Variants in CPEB3 observed in about 807,000 individuals in gnomAD.
CPEB3 encodes cytoplasmic polyadenylation element-binding protein 3.
In CPEB3, 20 loss-of-function variants were observed where a neutral mutation model predicts 67.2. That is an observed-to-expected ratio of 0.30 (90% CI 0.21 to 0.43). The LOEUF is 0.43. Among genes scored for constraint, CPEB3 ranks in the 20% least tolerant of loss-of-function variants. The pLI is 1.00. For synonymous variants in CPEB3, 376 were observed against 393.1 expected, an observed-to-expected ratio of 0.96 and a Z score of 0.51; for missense variants, 746 against 968.6, an observed-to-expected ratio of 0.77 and a Z score of 3.05.
In CPEB3 at chr10:92,250,858, ATTTTTT is replaced by A. The variant is rs1211646953; in HGVS notation, c.-11-10503_-11-10498del. Among the ~76,000 whole-genome samples the A allele has an allele frequency of 2.4e-3, 255 of 104,110 alleles. 1 individual carries two copies. The highest frequency in any genetic ancestry group is 7.6e-3 in the African/African-American group (203 of 26,808). The allele number at this position is 104,110 out of a possible 152,430, so 68.3% of individuals were successfully genotyped here. A position where few individuals can be genotyped will look rare whatever the true frequency, so the allele number is the denominator to read the frequency against. ...GCGCCTGCCACCACACACACAGTTAATTTTTTTTTTTTTTTTTTTTTTTTTGTATCT... is the reference window on the plus strand; with the variant it reads ...GCGCCTGCCACCACACACACAGTTAATTTTTTTTTTTTTTTTTTTGTATCT... On this transcript the variant is annotated intron_variant, in intron 1 of 9. Transcript: ENST00000265997.
chr10:92,271,302 T>C (rs1034920618), intron 1 of CPEB3, among the ~76,000 whole-genome samples: 1 of 152,236 alleles, frequency 6.6e-6, no homozygotes, highest in Non-Finnish European at 1.5e-5. Flanking sequence ...ACAAATCTTA[T>C]ATTATCATGG....
At chr10:92,176,797 A>G (rs1444199665) in intron 4 of CPEB3, among the ~76,000 whole-genome samples, 4 of 152,264 alleles carry the variant, frequency 2.6e-5, no homozygotes, top group African/African-American at 9.6e-5. Context: ...TCACCAAGTT[A>G]GGCATCAATC....
chr10:92,105,931 C>T (rs1844426443), intron 7 of CPEB3, among the ~76,000 whole-genome samples: 1 of 151,728 alleles, frequency 6.6e-6, no homozygotes, highest in African/African-American at 2.4e-5. Flanking sequence ...CTCACTCTGC[C>T]ACCCAGGCTA....
chr10:92,216,696 G>A, intron 2 of CPEB3: 10 of 1,605,268 alleles, frequency 6.2e-6, no homozygotes, highest in Non-Finnish European at 7.7e-6. Context: ...GGCTCCAAGC[G>A]CCCCACCTGT....
chr10:92,067,840 T>C (rs368935948), intron 9 of CPEB3, among the ~76,000 whole-genome samples: 1 of 151,944 alleles, frequency 6.6e-6, no homozygotes, highest in Non-Finnish European at 1.5e-5. Context: ...TAAATAAAAA[T>C]AGATAAAATT....
intron 3 of CPEB3, 48 bp from the exon 4 acceptor site, chr10:92,181,067 T>C (rs1005722918): frequency 5.2e-6 from 5 of 961,824 alleles, no homozygotes; most frequent in Middle Eastern, 2.5e-4. Flanking sequence ...AATGTAATCA[T>C]TTCAAACACA....
At chr10:92,287,869 G>A (rs1224693775) in intron 1 of CPEB3, among the ~76,000 whole-genome samples, 2 of 152,044 alleles carry the variant, frequency 1.3e-5, no homozygotes, top group Non-Finnish European at 2.9e-5. Flanking sequence ...CTCATTAGCA[G>A]TCACTCCCCA....
At chr10:92,113,184 C>T (rs2133511318) in intron 6 of CPEB3, among the ~76,000 whole-genome samples, 1 of 152,312 alleles carries the variant, frequency 6.6e-6, no homozygotes, top group Middle Eastern at 3.4e-3. Context: ...GTTTTCTGGG[C>T]TTTGGTCTCA....
chr10:92,236,227 C>T (rs979784052), intron 2 of CPEB3, among the ~76,000 whole-genome samples: 4 of 152,142 alleles, frequency 2.6e-5, no homozygotes, highest in Admixed American at 1.3e-4. Flanking sequence ...TACCTGACAG[C>T]ACCTGCACTA....
rs999673116 is a variant in CPEB3, at chr10:92,105,715, G to GTTT, written c.1572+5358_1572+5360dup. On this transcript the variant is annotated intron_variant, in intron 7 of 9. Coordinates refer to ENST00000265997, the MANE Select transcript of CPEB3 (RefSeq NM_014912.5). ...GTGTATTTATATACTTGTTTTGTGG[G>GTTT]TTTTTTTTTTTTTTTTTTTTCTGAG... 9.8e-4 allele frequency among the ~76,000 whole-genome samples: 108 copies of GTTT among 109,704 alleles called. 1 individual carries two copies. Among genetic ancestry groups the GTTT allele is most frequent in the African/African-American group, 1.4e-3 (37 of 27,062 alleles). The allele number at this position is 109,704 out of a possible 152,430, so 72.0% of individuals were successfully genotyped here.
chr10:92,241,860 GA>G (rs1172566152), intron 1 of CPEB3, among the ~76,000 whole-genome samples: 6 of 152,156 alleles, frequency 3.9e-5, no homozygotes, highest in African/African-American at 1.4e-4. Context: ...ATTTTTAGAT[GA>G]TGATTCAGTA....
At chr10:92,069,378 C>T (rs901849387) in intron 9 of CPEB3, among the ~76,000 whole-genome samples, 9 of 152,162 alleles carry the variant, frequency 5.9e-5, no homozygotes, top group Non-Finnish European at 1.2e-4. Context: ...GAACATGCTA[C>T]TCAAAGCAAA....
intron 6 of CPEB3, among the ~76,000 whole-genome samples, chr10:92,114,565 T>C (rs1003154532): frequency 6.6e-6 from 1 of 152,268 alleles, no homozygotes; most frequent in African/African-American, 2.4e-5. Context: ...CTAACATTTG[T>C]TGAGATTTAC....
intron 6 of CPEB3, among the ~76,000 whole-genome samples, chr10:92,119,488 T>C (rs1845225106): frequency 6.6e-6 from 1 of 152,220 alleles, no homozygotes; most frequent in Admixed American, 6.5e-5. Flanking sequence ...GGTTCCTTCT[T>C]CCTGAGACAG....
chr10:92,186,863 C>G (rs1848720014), intron 3 of CPEB3, among the ~76,000 whole-genome samples: 14 of 152,170 alleles, frequency 9.2e-5, no homozygotes, highest in Admixed American at 9.2e-4. Context: ...AAACAAGAAC[C>G]ATCACTTCTT....
intron 2 of CPEB3, among the ~76,000 whole-genome samples, chr10:92,229,310 A>T (rs917172328): frequency 6.6e-6 from 1 of 152,170 alleles, no homozygotes; most frequent in Non-Finnish European, 1.5e-5. Flanking sequence ...CTACAAATAC[A>T]GTCTTCAGCA....
chr10:92,217,434 T>C (rs1219067523), intron 2 of CPEB3, among the ~76,000 whole-genome samples: 1 of 152,054 alleles, frequency 6.6e-6, no homozygotes, highest in African/African-American at 2.4e-5. Context: ...TTCAAGTCTC[T>C]ACCATCAATG....
At chr10:92,054,672 C>T (rs1171285710) in intron 9 of CPEB3, among the ~76,000 whole-genome samples, 1 of 152,156 alleles carries the variant, frequency 6.6e-6, no homozygotes. Context: ...AAATTCCTGA[C>T]CTCAGGTGAT....
At chr10:92,092,972 T>C (rs918946250) in intron 7 of CPEB3, among the ~76,000 whole-genome samples, 10 of 152,228 alleles carry the variant, frequency 6.6e-5, no homozygotes, top group African/African-American at 2.4e-4. Flanking sequence ...GTTTGTACTA[T>C]TTTATCACAA....
Sources: allele counts gnomAD v4.1 joint callset (sites outside exome capture counted in the v4.1 genomes callset), GRCh38; gene constraint gnomAD v4.1.1; transcripts MANE v1.5; gene names NCBI Gene and HGNC (gene_info 2026-07-23, HGNC 2026-07-21).